Variants in PLA2G4C observed in about 807,000 individuals in gnomAD.
PLA2G4C encodes the protein phospholipase A2 group IVC, also known as cytosolic phospholipase A2 gamma.
Under a neutral mutation model 73.8 loss-of-function variants are expected in PLA2G4C, and 64 were observed. That is an observed-to-expected ratio of 0.87 (90% CI 0.71 to 1.07). The LOEUF is 1.07. Among genes scored for constraint, PLA2G4C ranks in the 50% least tolerant of loss-of-function variants. The pLI, the probability that PLA2G4C is intolerant of heterozygous loss-of-function variation, is 0.00. For synonymous variants in PLA2G4C, 254 were observed against 252.1 expected (o/e 1.01, Z -0.07); for missense variants, 622 against 665.4 (o/e 0.93, Z 0.72).
At chr19:48,106,964 C>T (rs1311708856) in intron 1 of PLA2G4C, among the ~76,000 whole-genome samples, 1 of 152,120 alleles carries the variant, frequency 6.6e-6, no homozygotes, top group Non-Finnish European at 1.5e-5. Flanking sequence ...CCTGCCTCAG[C>T]CTCCTGAGTA....
chr19:48,067,695 AC>A, intron 13 of PLA2G4C, 95 bp downstream of exon 13: 1 of 832,268 alleles, frequency 1.2e-6, no homozygotes, highest in South Asian at 1.4e-5. Context: ...CTGGGGAAGG[AC>A]CAGCCTGGGA....
At chr19:48,053,917 C>T (rs1167568533) in intron 15 of PLA2G4C, among the ~76,000 whole-genome samples, 3 of 152,120 alleles carry the variant, frequency 2.0e-5, no homozygotes, top group Non-Finnish European at 4.4e-5. Flanking sequence ...AGCTGCTCAC[C>T]TGAGACTGGA....
chr19:48,110,487 C>T lies in PLA2G4C; in HGVS notation c.-33G>A, dbSNP rs1478659303. 3 of 1,355,636 alleles carry T rather than the reference C, an allele frequency of 2.2e-6. No individual in the cohort carries two copies. Among genetic ancestry groups the T allele is most frequent in the Non-Finnish European group, 2.8e-6 (3 of 1,071,808 alleles). The allele number at this position is 1,355,636 out of a possible 1,614,324, so 84.0% of individuals were successfully genotyped here. On this transcript the variant is annotated splice_region_variant and 5_prime_UTR_variant, in exon 1 of 17. Transcript: ENST00000599921. Reference sequence around the variant, plus strand: ...AGCCCTCCCTGCCCCCACGGCTTGCCTGAGCCTGGGTCTGGGGCGTGTGCG... The same window carrying T: ...AGCCCTCCCTGCCCCCACGGCTTGCTTGAGCCTGGGTCTGGGGCGTGTGCG...
Position 48,110,756 on chromosome 19 carries a change from G to C in PLA2G4C, c.-302C>G. 1 of 428,692 alleles carries C rather than the reference G, an allele frequency of 2.3e-6. No homozygotes were observed. The highest frequency in any genetic ancestry group is 3.7e-5 in the East Asian group (1 of 27,120). 26.6% of individuals were successfully genotyped at this position (428,692 alleles called of 1,614,324 possible). On this transcript the variant is annotated 5_prime_UTR_variant, in exon 1 of 17. Coordinates refer to ENST00000599921, the MANE Select transcript of PLA2G4C (RefSeq NM_003706.3). ...CCAACCTGGAGGTAAAATGGCCCCT[G>C]CGCCTTTAAACAGCCCTCCTCGGCT...
At chr19:48,063,788 T>A (rs1968297466) in intron 13 of PLA2G4C, 1 of 151,582 alleles carries the variant, frequency 6.6e-6, no homozygotes, top group African/African-American at 2.4e-5. Context: ...CACCCAGAGC[T>A]TAAGTCTGAC....
chr19:48,084,737 C>T (rs114316592), intron 10 of PLA2G4C, among the ~76,000 whole-genome samples: 1,820 of 152,310 alleles, frequency 0.012, 41 homozygotes, highest in African/African-American at 0.041. Flanking sequence ...CTCATTTAAT[C>T]CTCATAACTA....
intron 14 of PLA2G4C, among the ~76,000 whole-genome samples, chr19:48,058,174 C>T (rs1968030204): frequency 6.6e-6 from 1 of 151,994 alleles, no homozygotes; most frequent in Non-Finnish European, 1.5e-5. Context: ...TGGCGCATGC[C>T]TGTAATCCTA....
Position 48,049,409 on chromosome 19 carries a change from C to T in PLA2G4C, c.1581-1021G>A, listed in dbSNP as rs560471191. On this transcript the variant is annotated intron_variant, in intron 16 of 16. Transcript: ENST00000599921. ...TTCCTAAAAAGCTTTCACTTTACTC[C>T]TCAGCACACCGCACGTTCGGTCGTC... 2.0e-4 allele frequency among the ~76,000 whole-genome samples: 31 copies of T among 152,230 alleles called. No individual in the cohort carries two copies. The Middle Eastern group carries it at 0.02, about 100-fold the overall frequency.
In PLA2G4C at chr19:48,048,092, A is replaced by G. The variant is rs1967589368; in HGVS notation, c.*251T>C. The G allele has an allele frequency of 3.9e-6, 2 of 510,932 alleles. No individual in the cohort carries two copies. The highest frequency in any genetic ancestry group is 4.2e-5 in the Admixed American group (1 of 23,800). The allele number at this position is 510,932 out of a possible 1,614,324, so 31.6% of individuals were successfully genotyped here. ...TCTGATTGTCAGACACTCATGCTCCAGCTCCAGGATCTCCCGAGGGACCTG... is the reference window on the plus strand; with the variant it reads ...TCTGATTGTCAGACACTCATGCTCCGGCTCCAGGATCTCCCGAGGGACCTG... On this transcript the variant is annotated 3_prime_UTR_variant, in exon 17 of 17. Coordinates refer to ENST00000599921, the MANE Select transcript of PLA2G4C (RefSeq NM_003706.3).
At chr19:48,067,191 T>G (rs1419354893) in intron 13 of PLA2G4C, among the ~76,000 whole-genome samples, 2 of 149,628 alleles carry the variant, frequency 1.3e-5, no homozygotes, top group Non-Finnish European at 3.0e-5. Context: ...TTTTTTTAGA[T>G]GGTGTCTCGC....
intron 12 of PLA2G4C, among the ~76,000 whole-genome samples, 200 bp from the exon 13 acceptor site, chr19:48,068,086 CA>C (rs1172858293): frequency 6.6e-6 from 1 of 152,068 alleles, no homozygotes; most frequent in African/African-American, 2.4e-5. Context: ...GAAGGATCAC[CA>C]TATCAAGAGA....
intron 9 of PLA2G4C, 48 bp from the exon 10 acceptor site, chr19:48,085,160 T>G (rs774713551): frequency 1.4e-5 from 19 of 1,341,370 alleles, no homozygotes; most frequent in Non-Finnish European, 2.0e-5. Context: ...ATCACATGAC[T>G]GTCATGTTTG....
At chr19:48,097,991 C>G (rs571858733) in intron 6 of PLA2G4C, 148 bp downstream of exon 6, 1 of 809,614 alleles carries the variant, frequency 1.2e-6, no homozygotes, top group East Asian at 2.6e-5. Context: ...CCTCTTCTCT[C>G]GTCTAAGCTG....
intron 15 of PLA2G4C, 98 bp downstream of exon 15, chr19:48,054,780 T>C (rs1260360790): frequency 1.4e-5 from 16 of 1,170,476 alleles, no homozygotes; most frequent in Middle Eastern, 4.8e-4. Context: ...TTAAACCTTC[T>C]TCCTTTGTAA....
At chr19:48,061,939 T>C in intron 14 of PLA2G4C, 59 bp downstream of exon 14, 1 of 1,569,974 alleles carries the variant, frequency 6.4e-7, no homozygotes, top group Non-Finnish European at 8.7e-7. Context: ...CTCCGCAAAG[T>C]CAGCTTCGCC....
chr19:48,076,557 A>G (rs1778273488), intron 11 of PLA2G4C, among the ~76,000 whole-genome samples: 1 of 152,114 alleles, frequency 6.6e-6, no homozygotes, highest in South Asian at 2.1e-4. Flanking sequence ...AGCCTGGGTA[A>G]TGTAGTGAAA....
chr19:48,066,958 GAC>G (rs200703260), intron 13 of PLA2G4C, among the ~76,000 whole-genome samples: 18,542 of 143,174 alleles, frequency 0.13, 1,491 homozygotes, highest in Admixed American at 0.23. Context: ...AACAGAGCAA[GAC>G]ACACACACAC....
chr19:48,096,772 G>A (rs891691325), intron 6 of PLA2G4C: 1 of 152,264 alleles, frequency 6.6e-6, no homozygotes, highest in African/African-American at 2.4e-5. Flanking sequence ...GATCTCAGGA[G>A]AGAGATGAGC....
intron 11 of PLA2G4C, among the ~76,000 whole-genome samples, chr19:48,076,750 A>G (rs1352587657): frequency 6.6e-6 from 1 of 151,962 alleles, no homozygotes; most frequent in Non-Finnish European, 1.5e-5. Flanking sequence ...CTCCAAAAAA[A>G]AAAAAGAAAA....
Sources: allele counts gnomAD v4.1 joint callset (sites outside exome capture counted in the v4.1 genomes callset), GRCh38; gene constraint gnomAD v4.1.1; transcripts MANE v1.5; gene names NCBI Gene and HGNC (gene_info 2026-07-23, HGNC 2026-07-21).